Variants in DENND4B observed in about 807,000 individuals in gnomAD.
DENND4B encodes the protein DENN domain containing 4B.
A neutral mutation model predicts 161.0 loss-of-function variants in DENND4B; 67 were observed. The observed-to-expected ratio is 0.42, with a 90% confidence interval of 0.34 to 0.51. The LOEUF is 0.51. Among genes scored for constraint, DENND4B ranks in the 20% least tolerant of loss-of-function variants. The pLI, the probability that DENND4B is intolerant of heterozygous loss-of-function variation, is 0.08. For missense variants in DENND4B, 1,481 were observed against 1,968.0 expected, an observed-to-expected ratio of 0.75 and a Z score of 4.68; for synonymous variants, 753 against 813.8, an observed-to-expected ratio of 0.93 and a Z score of 1.27.
chr1:153,935,118 C>A, intron 17 of DENND4B, 154 bp from the exon 18 acceptor site: 1 of 1,418,538 alleles, frequency 7.0e-7, no homozygotes. Flanking sequence ...AACAAGAGCC[C>A]AGAAGAGACA....
chr1:153,933,027 G>C lies in DENND4B; in HGVS notation c.3457C>G (p.Leu1153Val). 1 of 1,613,556 alleles carries C rather than the reference G, an allele frequency of 6.2e-7. No homozygotes were observed. The highest frequency in any genetic ancestry group is 8.5e-7 in the Non-Finnish European group (1 of 1,179,614). The change falls in exon 22 of 28, where the codon CTG (leucine) becomes GTG (valine). Residue 1153 changes from leucine to valine, a missense_variant. Leu to Val is a conservative substitution (Grantham distance 32, BLOSUM62 1). Coordinates refer to ENST00000361217, the MANE Select transcript of DENND4B (RefSeq NM_014856.3). The surrounding 1 kb of genome is among the most constrained non-coding windows in gnomAD (Gnocchi z 5.7). ...CGGCACAGGGAGCAGCTGGACAGCAGAATCTGTGGGCAGGGAGAGTCGGGA... is the reference window on the plus strand; with the variant it reads ...CGGCACAGGGAGCAGCTGGACAGCACAATCTGTGGGCAGGGAGAGTCGGGA... ...GSFQSPSLEI[L>V]LSSCSLCRAC...
In DENND4B at chr1:153,944,298, G is replaced by A; in HGVS notation, c.77C>T (p.Pro26Leu). Residue 26 changes from proline (P) to leucine (L), a missense_variant, in exon 2 of 28, where the codon CCT becomes CTT. Coordinates refer to ENST00000361217, the MANE Select transcript of DENND4B (RefSeq NM_014856.3). This position sits in a 1 kb window ranked among gnomAD's most constrained non-coding sequence, Gnocchi z 4.8. ...GGGTTCAGGAACCCACGTTTCCTCA[G>A]GGATGGGTGCTCCGTTCCCTGCAAG... ...AGLAGNGAPI[P>L]EETWVPEPSG... The A allele has an allele frequency of 6.2e-7, 1 of 1,606,332 alleles. No individual in the cohort carries two copies. The highest frequency in any genetic ancestry group is 8.5e-7 in the Non-Finnish European group (1 of 1,175,758).
At chr1:153,939,910 C>T (rs1371542316) in intron 11 of DENND4B, 106 bp from the exon 12 acceptor site, 1 of 1,107,332 alleles carries the variant, frequency 9.0e-7, no homozygotes, top group African/African-American at 1.6e-5. Context: ...AGACCTTGCA[C>T]CAGTAGCAAC....
rs1348235549 is a variant in DENND4B, at chr1:153,936,177, C to T, written c.2451G>A (p.Arg817=). 6.2e-7 allele frequency: 1 copy of T among 1,606,182 alleles called. No homozygotes were observed. The highest frequency in any genetic ancestry group is 8.5e-7 in the Non-Finnish European group (1 of 1,176,462). ...KVVLPDEVCY[R]VLMQLCSHYG... ...AGTGTGAGCAGAGCTGCATCAGTAC[C>T]CGGTAACACACCTGGGCCAGGAGAG... The change falls in exon 17 of 28, where the codon CGG becomes CGA. Residue 817 remains arginine, a synonymous_variant. Transcript: ENST00000361217. The surrounding 1 kb of genome is among the most constrained non-coding windows in gnomAD (Gnocchi z 4.1).
Position 153,936,559 on chromosome 1 carries a change from C to T in DENND4B, c.2422G>A (p.Val808Met). 4.4e-6 allele frequency: 7 copies of T among 1,602,022 alleles called. No homozygotes were observed. The highest frequency in any genetic ancestry group is 6.0e-6 in the Non-Finnish European group (7 of 1,172,408). Residue 808 changes from valine (V) to methionine (M), a missense_variant, in exon 16 of 28, where the codon GTG (valine) becomes ATG (methionine). Val to Met is a conservative substitution (Grantham distance 21). Transcript: ENST00000361217. This position sits in a 1 kb window ranked among gnomAD's most constrained non-coding sequence, Gnocchi z 4.1. ...TTGCCTACCTCATCAGGGAGCACCA[C>T]CTTGCCGCTCTCCATCTGGCGCAGC... ...HVLRQMESGK[V>M]VLPDEVCYRV... is the part of the protein sequence containing the mutation.
At position 153,943,073 on chromosome 1, in the gene DENND4B, T is replaced by C. The variant is rs754892693; in HGVS notation, c.375A>G (p.Thr125=). The C allele has an allele frequency of 6.2e-7, 1 of 1,613,676 alleles. No individual in the cohort carries two copies. The highest frequency in any genetic ancestry group is 1.3e-5 in the African/African-American group (1 of 74,882). The change falls in exon 3 of 28, where the codon ACA becomes ACG. Residue 125 remains threonine (T), a synonymous_variant. Coordinates refer to ENST00000361217, the MANE Select transcript of DENND4B (RefSeq NM_014856.3). ...PKPGFQVLDT[T]PYSHSANLAP... is the part of the protein sequence containing the mutation. Reference sequence around the variant, plus strand: ...CCAGGTTTGCTGAGTGGCTGTAGGGTGTCGTGTCAAGCACTTGGAAGCCAG... The same window carrying C: ...CCAGGTTTGCTGAGTGGCTGTAGGGCGTCGTGTCAAGCACTTGGAAGCCAG...
At position 153,934,732 on chromosome 1, in the gene DENND4B, C is replaced by T. The variant is rs766295224; in HGVS notation, c.2773+28G>A. 5 of 1,596,286 alleles carry T rather than the reference C, an allele frequency of 3.1e-6. No homozygotes were observed. In the South Asian group the frequency reaches 5.6e-5, roughly 18 times the overall value. On this transcript the variant is annotated intron_variant, in intron 18 of 27. Coordinates refer to ENST00000361217, the MANE Select transcript of DENND4B (RefSeq NM_014856.3). This position sits in a 1 kb window ranked among gnomAD's most constrained non-coding sequence, Gnocchi z 5.3. ...TGCCTGAGCCCAGCTACTCCATCCCCAAGCCTGTCTCACCAGGCCCTACCC... is the reference window on the plus strand; with the variant it reads ...TGCCTGAGCCCAGCTACTCCATCCCTAAGCCTGTCTCACCAGGCCCTACCC...
At position 153,931,044 on chromosome 1, in the gene DENND4B, G is replaced by A; in HGVS notation, c.4017C>T (p.Thr1339=). 1.2e-6 allele frequency: 2 copies of A among 1,611,652 alleles called. No homozygotes were observed. Among genetic ancestry groups the A allele is most frequent in the Non-Finnish European group, 1.7e-6 (2 of 1,179,034 alleles). Residue 1339 remains threonine, a synonymous_variant, in exon 25 of 28, where the codon ACC becomes ACT. Transcript: ENST00000361217. The part of the protein sequence containing the change: ...SHSQAPSPWL[T]PDPASVQVRL... ...GTACCTGAACAGAGGCTGGATCAGG[G>A]GTTAGCCAAGGAGATGGGGCCTGGG...
Position 153,940,052 on chromosome 1 carries a change from C to T in DENND4B, c.1603+104G>A. The T allele has an allele frequency of 9.4e-7, 1 of 1,061,316 alleles. No individual in the cohort carries two copies. Among genetic ancestry groups the T allele is most frequent in the Non-Finnish European group, 1.3e-6 (1 of 742,860 alleles). 65.7% of individuals were successfully genotyped at this position (1,061,316 alleles called of 1,614,324 possible). A position where few individuals can be genotyped will look rare whatever the true frequency, so the allele number is the denominator to read the frequency against. ...GTTCCACCAAATGCAATCCTAACTT[C>T]ACTCACCTCCTTAAGAAATGTCTAG... is the stretch of plus-strand genomic sequence containing the variant. On this transcript the variant is annotated intron_variant, in intron 11 of 27. Transcript: ENST00000361217. This position sits in a 1 kb window ranked among gnomAD's most constrained non-coding sequence, Gnocchi z 5.6.
chr1:153,941,070 G>A, intron 8 of DENND4B, 22 bp from the exon 9 acceptor site: 1 of 1,552,660 alleles, frequency 6.4e-7, no homozygotes. Context: ...GCCGAGGTGG[G>A]GAAAGGGTCA....
Position 153,937,226 on chromosome 1 carries a change from T to C in DENND4B, c.2232+262A>G, listed in dbSNP as rs1313255378. Reference sequence around the variant, plus strand: ...GTGCAGAGAGGCTGGCCCTTGAGCATGGGCAGGTGCCCTAGAAGACATGGC... The same window carrying C: ...GTGCAGAGAGGCTGGCCCTTGAGCACGGGCAGGTGCCCTAGAAGACATGGC... On this transcript the variant is annotated intron_variant, in intron 15 of 27. Coordinates refer to ENST00000361217, the MANE Select transcript of DENND4B (RefSeq NM_014856.3). This position sits in a 1 kb window ranked among gnomAD's most constrained non-coding sequence, Gnocchi z 4.7. 6.6e-6 allele frequency among the ~76,000 whole-genome samples: 1 copy of C among 152,218 alleles called. No individual in the cohort carries two copies. Among genetic ancestry groups the C allele is most frequent in the African/African-American group, 2.4e-5 (1 of 41,458 alleles).
At chr1:153,935,293 G>A (rs1679267088) in intron 17 of DENND4B, 1 of 338,412 alleles carries the variant, frequency 3.0e-6, no homozygotes, top group African/African-American at 2.1e-5. Flanking sequence ...AGGCAGTTTA[G>A]TATCATGGCT....
chr1:153,945,954 G>A (rs915673929), intron 1 of DENND4B, among the ~76,000 whole-genome samples: 16 of 152,180 alleles, frequency 1.1e-4, no homozygotes, highest in Admixed American at 1.0e-3. Flanking sequence ...CAGAGGGCGC[G>A]CCGAGGGGGA....
chr1:153,940,032 A>C lies in DENND4B; in HGVS notation c.1603+124T>G, dbSNP rs1679576367. 2.1e-6 allele frequency: 2 copies of C among 935,512 alleles called. No homozygotes were observed. The highest frequency in any genetic ancestry group is 2.9e-5 in the Admixed American group (1 of 34,344). The allele number at this position is 935,512 out of a possible 1,614,324, so 58.0% of individuals were successfully genotyped here. ...TGGAATTGGAATCTCCCTCAGTTCCACCAAATGCAATCCTAACTTCACTCA... is the reference window on the plus strand; with the variant it reads ...TGGAATTGGAATCTCCCTCAGTTCCCCCAAATGCAATCCTAACTTCACTCA... On this transcript the variant is annotated intron_variant, in intron 11 of 27. Coordinates refer to ENST00000361217, the MANE Select transcript of DENND4B (RefSeq NM_014856.3). This position sits in a 1 kb window ranked among gnomAD's most constrained non-coding sequence, Gnocchi z 5.6.
rs1283542362 is a variant in DENND4B at position 153,933,588 on chromosome 1, G to A, written c.3225C>T (p.Arg1075=). The A allele has an allele frequency of 1.3e-6, 2 of 1,569,178 alleles. No individual in the cohort carries two copies. The highest frequency in any genetic ancestry group is 1.8e-4 in the Middle Eastern group (1 of 5,478). ...CAGGAGGCAGCTCAGGTGGGGGAATGCGGGAGGCAGGGGAGTGGCGGGAAG... is the reference window on the plus strand; with the variant it reads ...CAGGAGGCAGCTCAGGTGGGGGAATACGGGAGGCAGGGGAGTGGCGGGAAG... ...LTPSRHSPAS[R]IPPPELPPDL... Residue 1075 remains arginine (R), a synonymous_variant, in exon 20 of 28, where the codon CGC becomes CGT. Transcript: ENST00000361217. This position sits in a 1 kb window ranked among gnomAD's most constrained non-coding sequence, Gnocchi z 5.7.
In DENND4B at chr1:153,944,528, T is replaced by C; in HGVS notation, c.-23-131A>G. ...GGCAGGATAAGGGGTCGGCCAATCC[T>C]GAACTCTTCCCCCTGTGACATCACT... On this transcript the variant is annotated intron_variant, in intron 1 of 27. Coordinates refer to ENST00000361217, the MANE Select transcript of DENND4B (RefSeq NM_014856.3). This position sits in a 1 kb window ranked among gnomAD's most constrained non-coding sequence, Gnocchi z 4.8. The C allele has an allele frequency of 3.3e-6, 3 of 899,024 alleles. No homozygotes were observed. Among genetic ancestry groups the C allele is most frequent in the Non-Finnish European group, 4.9e-6 (3 of 617,598 alleles). 55.7% of individuals were successfully genotyped at this position (899,024 alleles called of 1,614,324 possible). A position where few individuals can be genotyped will look rare whatever the true frequency, so the allele number is the denominator to read the frequency against.
intron 17 of DENND4B, chr1:153,935,334 C>T (rs193097303): frequency 4.0e-4 from 89 of 224,734 alleles, no homozygotes; most frequent in African/African-American, 1.7e-3. Context: ...TATGGATATG[C>T]CTCTGCCCAT....
chr1:153,932,848 C>A lies in DENND4B; in HGVS notation c.3623+13G>T. The A allele has an allele frequency of 1.9e-6, 3 of 1,613,854 alleles. No homozygotes were observed. The highest frequency in any genetic ancestry group is 1.7e-6 in the Non-Finnish European group (2 of 1,179,802). ...CCTATTCCCACCCACAGCACTTGCC[C>A]TGCCTTGGGCACCTGGGCCGGGAAT... On this transcript the variant is annotated intron_variant, in intron 22 of 27. Coordinates refer to ENST00000361217, the MANE Select transcript of DENND4B (RefSeq NM_014856.3). This position sits in a 1 kb window ranked among gnomAD's most constrained non-coding sequence, Gnocchi z 5.8.
Position 153,942,205 on chromosome 1 carries a change from C to A in DENND4B, c.792G>T (p.Thr264=), listed in dbSNP as rs775595237. The part of the protein sequence containing the change: ...PVPVFSTFVL[T]GAAGDKVYGA... ...CACCCACCTTATCACCAGCTGCACC[C>A]GTGAGCACAAAGGTGGAGAAGACGG... Residue 264 remains threonine, a synonymous_variant, in exon 5 of 28, where the codon ACG becomes ACT. Coordinates refer to ENST00000361217, the MANE Select transcript of DENND4B (RefSeq NM_014856.3). This position sits in a 1 kb window ranked among gnomAD's most constrained non-coding sequence, Gnocchi z 6.9. The A allele has an allele frequency of 1.9e-6, 3 of 1,613,966 alleles. No homozygotes were observed. Among genetic ancestry groups the A allele is most frequent in the African/African-American group, 1.3e-5 (1 of 75,028 alleles).
Sources: gnomAD v4.1 joint callset for allele counts (sites outside exome capture counted in the v4.1 genomes callset) on GRCh38, gnomAD v4.1.1 for gene constraint, Gnocchi (gnomAD v3.1) non-coding constraint, MANE v1.5 for transcripts, NCBI Gene and HGNC (gene_info 2026-07-23, HGNC 2026-07-21) for gene names.